GPC5: variants seen among roughly 807,000 people sequenced by gnomAD.
GPC5 encodes the protein glypican-5.
Under a neutral mutation model 53.9 loss-of-function variants are expected in GPC5, and 47 were observed. That is an observed-to-expected ratio of 0.87 (90% confidence interval 0.69 to 1.11). The LOEUF is 1.11. GPC5 is among the 50% of genes most tolerant of loss of function. GPC5 has a pLI of 0.00. For synonymous variants in GPC5, 286 were observed against 263.3 expected, an observed-to-expected ratio of 1.09 and a Z score of -0.84; for missense variants, 748 against 713.1, an observed-to-expected ratio of 1.05 and a Z score of -0.56.
chr13:91,914,475 A>G (rs1449748642), intron 6 of GPC5, among the ~76,000 whole-genome samples: 2 of 152,094 alleles, frequency 1.3e-5, no homozygotes, highest in African/African-American at 4.8e-5. Context: ...TGTAATATAA[A>G]TTTCATTTTT....
At chr13:91,877,016 G>A (rs2039210308) in intron 5 of GPC5, among the ~76,000 whole-genome samples, 2 of 152,348 alleles carry the variant, frequency 1.3e-5, no homozygotes, top group African/African-American at 4.8e-5. Flanking sequence ...CAAGCCCCAA[G>A]CCTTGGCAGC....
At chr13:91,903,594 C>A (rs1441400067) in intron 5 of GPC5, among the ~76,000 whole-genome samples, 1 of 152,054 alleles carries the variant, frequency 6.6e-6, no homozygotes, top group African/African-American at 2.4e-5. Flanking sequence ...TTGAACATTA[C>A]AAAACTGGAA....
intron 7 of GPC5, among the ~76,000 whole-genome samples, chr13:92,211,766 C>T (rs183504800): frequency 1.3e-5 from 2 of 149,688 alleles, no homozygotes; most frequent in East Asian, 3.9e-4. Flanking sequence ...TAGATAGGAG[C>T]TCCTGAATTA....
At chr13:92,632,917 G>C (rs1280793609) in intron 7 of GPC5, among the ~76,000 whole-genome samples, 1 of 152,078 alleles carries the variant, frequency 6.6e-6, no homozygotes, top group Non-Finnish European at 1.5e-5. Context: ...TTGAGACAGA[G>C]TTTTGCTCTG....
At chr13:91,550,694 A>G (rs1435151966) in intron 2 of GPC5, among the ~76,000 whole-genome samples, 5 of 152,070 alleles carry the variant, frequency 3.3e-5, no homozygotes, top group Non-Finnish European at 5.9e-5. Flanking sequence ...AGATCTAGTG[A>G]TAAGGTTTGG....
chr13:91,848,450 G>C (rs2038876216), intron 5 of GPC5, among the ~76,000 whole-genome samples: 2 of 152,178 alleles, frequency 1.3e-5, no homozygotes, highest in African/African-American at 4.8e-5. Context: ...TAAATGCAGT[G>C]GGATAGACAT....
intron 7 of GPC5, among the ~76,000 whole-genome samples, chr13:92,308,234 A>C (rs1008778406): frequency 3.9e-5 from 6 of 152,048 alleles, no homozygotes; most frequent in African/African-American, 1.4e-4. Context: ...ATAAAACCCA[A>C]CTCATAGGGT....
Position 92,257,546 on chromosome 13 carries a change from AT to A in GPC5, c.1561+112578del, listed in dbSNP as rs398023955. 3.3e-3 allele frequency among the ~76,000 whole-genome samples: 242 copies of A among 72,954 alleles called. 5 individuals carry two copies. Among genetic ancestry groups the A allele is most frequent in the Middle Eastern group, 0.02 (2 of 98 alleles). The allele number at this position is 72,954 out of a possible 152,430, so 47.9% of individuals were successfully genotyped here. On this transcript the variant is annotated intron_variant, in intron 7 of 7. Transcript: ENST00000377067. ...AGTGAGAGAGGTTTCTAATACAGGG[AT>A]TTTTTTTTTTTTTTTTTTTTGGGGA...
intron 6 of GPC5, among the ~76,000 whole-genome samples, chr13:91,944,620 T>G (rs1396292947): frequency 6.6e-6 from 1 of 152,168 alleles, no homozygotes; most frequent in African/African-American, 2.4e-5. Context: ...CTATTTACAT[T>G]TTCTATACCA....
At chr13:92,849,083 T>A (rs569524414) in intron 7 of GPC5, among the ~76,000 whole-genome samples, 20 of 147,468 alleles carry the variant, frequency 1.4e-4, no homozygotes, top group Admixed American at 2.7e-4. Context: ...GCAAATAATA[T>A]CCTTAATTAT....
At chr13:91,456,832 A>AT (rs67560339) in intron 2 of GPC5, among the ~76,000 whole-genome samples, 55,528 of 143,206 alleles carry the variant, frequency 0.39, 10,815 homozygotes, top group African/African-American at 0.45. Context: ...TGAATATGGG[A>AT]TTTTTTTTTT....
chr13:92,090,606 G>T (rs1427485198), intron 6 of GPC5, among the ~76,000 whole-genome samples: 2 of 152,110 alleles, frequency 1.3e-5, no homozygotes, highest in Non-Finnish European at 2.9e-5. Flanking sequence ...ATGATATTTT[G>T]TTAAAGCTGT....
chr13:91,480,774 C>T (rs1256402854), intron 2 of GPC5, among the ~76,000 whole-genome samples: 2 of 152,072 alleles, frequency 1.3e-5, no homozygotes, highest in East Asian at 3.8e-4. Context: ...CTAGGTTATA[C>T]CCTTATTCTT....
intron 2 of GPC5, among the ~76,000 whole-genome samples, chr13:91,553,238 A>G (rs1041594681): frequency 5.1e-5 from 5 of 97,188 alleles, no homozygotes; most frequent in Non-Finnish European, 1.0e-4. Flanking sequence ...TGTGATGCAA[A>G]TTGAAACTCT....
At chr13:92,000,464 G>A (rs1450971753) in intron 6 of GPC5, among the ~76,000 whole-genome samples, 2 of 151,948 alleles carry the variant, frequency 1.3e-5, no homozygotes, top group African/African-American at 2.4e-5. Context: ...ATATAATAAT[G>A]TCATTACTCA....
intron 5 of GPC5, among the ~76,000 whole-genome samples, chr13:91,905,335 A>C (rs2039542087): frequency 6.6e-6 from 1 of 151,614 alleles, no homozygotes; most frequent in South Asian, 2.1e-4. Flanking sequence ...ATGAGTATAA[A>C]ATTTTATTTT....
chr13:91,508,286 G>A (rs1186343190), intron 2 of GPC5, among the ~76,000 whole-genome samples: 1 of 152,180 alleles, frequency 6.6e-6, no homozygotes, highest in Non-Finnish European at 1.5e-5. Context: ...AAGAATGGAG[G>A]TATTGAGAGC....
chr13:92,105,513 A>C (rs933120162), intron 6 of GPC5, among the ~76,000 whole-genome samples: 27 of 152,082 alleles, frequency 1.8e-4, no homozygotes, highest in Non-Finnish European at 3.1e-4. Flanking sequence ...CTTGAAAATA[A>C]GCACTCTCTT....
intron 6 of GPC5, among the ~76,000 whole-genome samples, chr13:92,122,097 A>G (rs2041654482): frequency 1.3e-5 from 2 of 152,158 alleles, no homozygotes; most frequent in African/African-American, 4.8e-5. Flanking sequence ...ACCGAAATAT[A>G]GCAATTAAAA....
Sources: allele counts gnomAD v4.1 joint callset (sites outside exome capture counted in the v4.1 genomes callset), GRCh38; gene constraint gnomAD v4.1.1; transcripts MANE v1.5; gene names NCBI Gene and HGNC (gene_info 2026-07-23, HGNC 2026-07-21).